EDDM13: variants seen among roughly 807,000 people sequenced by gnomAD.
EDDM13 encodes epididymal protein 13.
EDDM13 carries 24 observed loss-of-function variants against 17.8 expected under a neutral mutation model. That is an observed-to-expected ratio of 1.35 (90% CI 0.98 to 1.90). EDDM13 has a LOEUF of 1.90. EDDM13 is among the 40% of genes most tolerant of loss of function. The probability of loss-of-function intolerance (pLI) is 0.00; values close to 1 mark genes in which losing one functional copy is unlikely to be tolerated. For missense variants in EDDM13, 97 were observed against 100.8 expected (o/e 0.96, Z 0.16); for synonymous variants, 31 against 37.5 (o/e 0.83, Z 0.63).
At chr19:56,275,117 G>A (rs1371716403) in intron 1 of EDDM13, among the ~76,000 whole-genome samples, 1 of 152,144 alleles carries the variant, frequency 6.6e-6, no homozygotes, top group African/African-American at 2.4e-5. Flanking sequence ...TAGTCCCTCG[G>A]CTAAGGTGGT....
intron 14 of EDDM13, among the ~76,000 whole-genome samples, chr19:56,305,378 T>C (rs1315477902): frequency 6.6e-6 from 1 of 152,210 alleles, no homozygotes; most frequent in Non-Finnish European, 1.5e-5. Context: ...TTTGGCATAA[T>C]ATTTCCAAGG....
intron 7 of EDDM13, among the ~76,000 whole-genome samples, 31 bp from the exon 8 acceptor site, chr19:56,288,843 C>T (rs2039320367): frequency 6.6e-6 from 1 of 152,184 alleles, no homozygotes; most frequent in Non-Finnish European, 1.5e-5. Context: ...CCCTCCGTTG[C>T]AACCTGGGCT....
At chr19:56,274,314 C>T (rs1303805077) in intron 1 of EDDM13, among the ~76,000 whole-genome samples, 9 of 151,932 alleles carry the variant, frequency 5.9e-5, no homozygotes, top group Non-Finnish European at 1.0e-4. Context: ...ATTATCCAGG[C>T]ATGGTAGTAG....
intron 1 of EDDM13, among the ~76,000 whole-genome samples, chr19:56,273,287 T>A (rs2037991262): frequency 6.6e-6 from 1 of 152,182 alleles, no homozygotes; most frequent in African/African-American, 2.4e-5. Flanking sequence ...GAAGTCAACA[T>A]TACCATAGTT....
intron 1 of EDDM13, chr19:56,274,468 A>AAAAAAAG (rs1491562032): frequency 1.5e-4 from 3 of 20,566 alleles, no homozygotes; most frequent in South Asian, 1.3e-3. Context: ...AGAAAAAAAG[A>AAAAAAAG]AAAAAAAAAA....
chr19:56,279,220 T>C (rs1413237740), intron 2 of EDDM13, among the ~76,000 whole-genome samples: 2 of 151,930 alleles, frequency 1.3e-5, no homozygotes, highest in African/African-American at 4.8e-5. Flanking sequence ...CCCCACCAAG[T>C]AGTCTTTGGA....
intron 14 of EDDM13, among the ~76,000 whole-genome samples, chr19:56,309,775 C>T (rs117797618): frequency 2.0e-5 from 3 of 152,322 alleles, no homozygotes; most frequent in Admixed American, 6.5e-5. Flanking sequence ...AGCTCAGGCC[C>T]GGCGCCGGGA....
At position 56,296,726 on chromosome 19, in the gene EDDM13, C is replaced by T. The variant is rs115571037; in HGVS notation, c.268+364C>T. 9.6e-3 allele frequency among the ~76,000 whole-genome samples: 1,455 copies of T among 152,066 alleles called. 19 individuals are homozygous for T. The highest frequency in any genetic ancestry group is 0.033 in the African/African-American group (1,390 of 41,512). The stretch of plus-strand genomic sequence containing the variant: ...GACAATAGAGTAATGGGGATGGAAA[C>T]GCAGTGCGGGAAACTTAAGTTTTTT... On this transcript the variant is annotated intron_variant, in intron 11 of 14. Transcript: ENST00000649256.
chr19:56,272,809 C>T lies in EDDM13; in HGVS notation c.-26C>T, dbSNP rs1409578627. 1.2e-5 allele frequency: 11 copies of T among 944,560 alleles called. No individual in the cohort carries two copies. The highest frequency in any genetic ancestry group is 1.8e-5 in the African/African-American group (1 of 56,416). The allele number at this position is 944,560 out of a possible 1,614,324, so 58.5% of individuals were successfully genotyped here. On this transcript the variant is annotated 5_prime_UTR_variant, in exon 1 of 15. Transcript: ENST00000649256. Reference sequence around the variant, plus strand: ...AGTCCTGTCTATCCTAGGAGGAGAACATTCAGCCCAAATCCCAGCCCCATC... The same window carrying T: ...AGTCCTGTCTATCCTAGGAGGAGAATATTCAGCCCAAATCCCAGCCCCATC...
At chr19:56,290,188 C>T (rs2039419972) in intron 8 of EDDM13, among the ~76,000 whole-genome samples, 1 of 152,206 alleles carries the variant, frequency 6.6e-6, no homozygotes, top group Non-Finnish European at 1.5e-5. Flanking sequence ...AAAGGTTTCT[C>T]AGGTGCTTCT....
intron 1 of EDDM13, among the ~76,000 whole-genome samples, chr19:56,273,550 C>T (rs2038016019): frequency 6.6e-6 from 1 of 152,118 alleles, no homozygotes; most frequent in African/African-American, 2.4e-5. Context: ...CTAGAAAAGT[C>T]ACATTTGAGG....
intron 5 of EDDM13, among the ~76,000 whole-genome samples, chr19:56,284,659 C>T (rs991324616): frequency 6.6e-6 from 1 of 151,798 alleles, no homozygotes; most frequent in Admixed American, 6.6e-5. Context: ...GGATTACAGG[C>T]ACCCACCACC....
At chr19:56,307,300 T>G (rs2040754024) in intron 14 of EDDM13, among the ~76,000 whole-genome samples, 1 of 152,162 alleles carries the variant, frequency 6.6e-6, no homozygotes, top group Non-Finnish European at 1.5e-5. Context: ...TCATACGATA[T>G]ACCCCCACCC....
At chr19:56,279,738 T>C (rs2147047009) in intron 2 of EDDM13, among the ~76,000 whole-genome samples, 1 of 152,306 alleles carries the variant, frequency 6.6e-6, no homozygotes, top group East Asian at 1.9e-4. Context: ...CCTATGTTAG[T>C]TCCTTCCTAT....
rs184634540 is a variant in EDDM13 at position 56,275,529 on chromosome 19, G to C, written c.86-563G>C. Among the ~76,000 whole-genome samples, 9 of 152,284 alleles carry C rather than the reference G, an allele frequency of 5.9e-5. No individual in the cohort carries two copies. In the East Asian group the frequency reaches 1.7e-3, roughly 29 times the overall value. ...GAGGATCACTTGAGGCCAGGAGTTTGAGACCAGCCTGGGCAACATAGTGAG... is the reference window on the plus strand; with the variant it reads ...GAGGATCACTTGAGGCCAGGAGTTTCAGACCAGCCTGGGCAACATAGTGAG... On this transcript the variant is annotated intron_variant, in intron 1 of 14. Coordinates refer to ENST00000649256, the MANE Select transcript of EDDM13 (RefSeq NM_001354658.2).
In EDDM13 at chr19:56,285,040, G is replaced by A; in HGVS notation, c.154+16G>A. 1.0e-6 allele frequency: 1 copy of A among 984,626 alleles called. No homozygotes were observed. 61.0% of individuals were successfully genotyped at this position (984,626 alleles called of 1,614,324 possible). On this transcript the variant is annotated intron_variant, in intron 6 of 14. Transcript: ENST00000649256. ...TCACCGGATGGTAAGTGTCAGGATT[G>A]TATCTTTTAAACCTGGTCTTTCTCT...
chr19:56,288,613 T>A (rs1006877340), intron 7 of EDDM13, among the ~76,000 whole-genome samples, 175 bp downstream of exon 7: 13 of 152,316 alleles, frequency 8.5e-5, no homozygotes, highest in African/African-American at 2.9e-4. Flanking sequence ...GCACCCTCCA[T>A]ACCTTGCGTG....
chr19:56,294,897 C>T (rs2039757048), intron 9 of EDDM13, among the ~76,000 whole-genome samples: 1 of 152,200 alleles, frequency 6.6e-6, no homozygotes, highest in South Asian at 2.1e-4. Context: ...TAGGGTATGA[C>T]TCTGTCTCTA....
In EDDM13 at chr19:56,309,796, C is replaced by T. The variant is rs113832320; in HGVS notation, c.462-328C>T. Among the ~76,000 whole-genome samples the T allele has an allele frequency of 1.2e-4, 19 of 152,308 alleles. No individual in the cohort carries two copies. In the South Asian group the frequency reaches 3.9e-3, roughly 32 times the overall value. On this transcript the variant is annotated intron_variant, in intron 14 of 14. Coordinates refer to ENST00000649256, the MANE Select transcript of EDDM13 (RefSeq NM_001354658.2). ...GGCCCGGCGCCGGGACAGTGAGGAA[C>T]TGGAGGGGGCGCTGCTTCCCACTGG... is the stretch of plus-strand genomic sequence containing the variant.
Sources: gnomAD v4.1 joint callset for allele counts (sites outside exome capture counted in the v4.1 genomes callset) on GRCh38, gnomAD v4.1.1 for gene constraint, MANE v1.5 for transcripts, NCBI Gene and HGNC (gene_info 2026-07-23, HGNC 2026-07-21) for gene names.